The following ARHGAP29 variants were observed in gnomAD, a reference collection of about 807,000 sequenced individuals.
ARHGAP29 encodes the protein rho GTPase-activating protein 29.
In ARHGAP29, 43 loss-of-function variants were observed where a neutral mutation model predicts 122.6. The observed-to-expected ratio is 0.35, with a 90% CI of 0.27 to 0.45. ARHGAP29 has a LOEUF of 0.45. ARHGAP29 is among the 20% of genes least tolerant of loss of function. ARHGAP29 has a pLI of 1.00. For synonymous variants in ARHGAP29, 506 were observed against 497.1 expected, an observed-to-expected ratio of 1.02 and a Z score of -0.24; for missense variants, 1,303 against 1,477.2, an observed-to-expected ratio of 0.88 and a Z score of 1.93.
chr1:94,293,736 G>A, the ARHGAP29 span, among the ~76,000 whole-genome samples: 1 of 152,144 alleles, frequency 6.6e-6, no homozygotes, highest in South Asian at 2.1e-4. Flanking sequence ...TGCAGGAAAG[G>A]GTGCACAACT....
chr1:94,175,848 G>A (rs919692229), intron 22 of ARHGAP29, among the ~76,000 whole-genome samples: 2 of 152,062 alleles, frequency 1.3e-5, no homozygotes, highest in Admixed American at 6.5e-5. Flanking sequence ...GAGATTACAG[G>A]TGCCTGCTAC....
At chr1:94,230,813 A>G (rs1344255389) in intron 2 of ARHGAP29, among the ~76,000 whole-genome samples, 1 of 151,922 alleles carries the variant, frequency 6.6e-6, no homozygotes, top group Non-Finnish European at 1.5e-5. Context: ...AGGTACTAAG[A>G]ACAAGTCAGA....
At chr1:94,207,538 T>C (rs1397219371) in intron 5 of ARHGAP29, among the ~76,000 whole-genome samples, 2 of 47,210 alleles carry the variant, frequency 4.2e-5, no homozygotes, top group African/African-American at 5.1e-5. Flanking sequence ...ATTTAAATTG[T>C]TCAGTGTCTT....
At chr1:94,288,255 G>A in the ARHGAP29 span, among the ~76,000 whole-genome samples, 1 of 152,342 alleles carries the variant, frequency 6.6e-6, no homozygotes, top group African/African-American at 2.4e-5. Context: ...CAGTGATGAT[G>A]AGCATTTTTT....
At chr1:94,284,815 T>G in the ARHGAP29 span, among the ~76,000 whole-genome samples, 4 of 152,230 alleles carry the variant, frequency 2.6e-5, no homozygotes, top group African/African-American at 9.6e-5. Context: ...TTTCTTTGAT[T>G]TCTAAGCCTT....
chr1:94,289,994 T>C, the ARHGAP29 span, among the ~76,000 whole-genome samples: 1 of 152,200 alleles, frequency 6.6e-6, no homozygotes. Flanking sequence ...ATCAGGATGA[T>C]GCTGGACTCA....
chr1:94,301,452 A>G, the ARHGAP29 span, among the ~76,000 whole-genome samples: 3 of 152,098 alleles, frequency 2.0e-5, no homozygotes, highest in African/African-American at 7.2e-5. Context: ...ATGAACACCT[A>G]CAACTCCTGA....
At chr1:94,194,758 TAAAC>T (rs1420681120) in intron 12 of ARHGAP29, 3 of 152,162 alleles carry the variant, frequency 2.0e-5, no homozygotes, top group Non-Finnish European at 4.4e-5. Context: ...AACCAAGTCT[TAAAC>T]AGATAAATAC....
At chr1:94,304,434 C>T in the ARHGAP29 span, among the ~76,000 whole-genome samples, 34 of 152,326 alleles carry the variant, frequency 2.2e-4, no homozygotes, top group Non-Finnish European at 4.7e-4. Context: ...GCCACCACAC[C>T]TGGCCTCTAC....
At chr1:94,235,325 G>A (rs1424193039) in intron 1 of ARHGAP29, among the ~76,000 whole-genome samples, 1 of 152,138 alleles carries the variant, frequency 6.6e-6, no homozygotes. Flanking sequence ...TCTCATGCGC[G>A]AAAATGAATA....
rs555284456 is a variant in ARHGAP29 at position 94,189,420 on chromosome 1, T to A, written c.1440-68A>T. 4.8e-6 allele frequency: 7 copies of A among 1,453,148 alleles called. No homozygotes were observed. In the East Asian group the frequency reaches 1.7e-4, roughly 35 times the overall value. 90.0% of individuals were successfully genotyped at this position (1,453,148 alleles called of 1,614,324 possible). ...AAGAATAATAATCAGTTGATTTCAT[T>A]CTATGTTTAGAAAAATCTATTAATT... On this transcript the variant is annotated intron_variant, in intron 13 of 22. Transcript: ENST00000260526.
rs758819370 is a variant in ARHGAP29, at chr1:94,184,274, C to T, written c.2124G>A (p.Val708=). 1.2e-6 allele frequency: 2 copies of T among 1,608,948 alleles called. No homozygotes were observed. The highest frequency in any genetic ancestry group is 3.4e-5 in the Admixed American group (2 of 58,952). The part of the protein sequence containing the change: ...RALCLQGIYR[V]CGNKIKTEKL... ...TTTCAGTTTTTATTTTGTTTCCACACACACGATAAATTCCCTTCAATAGAA... is the reference window on the plus strand; with the variant it reads ...TTTCAGTTTTTATTTTGTTTCCACATACACGATAAATTCCCTTCAATAGAA... Residue 708 remains valine (V), a synonymous_variant, in exon 19 of 23, where the codon GTG becomes GTA. Transcript: ENST00000260526.
At chr1:94,287,170 T>C in the ARHGAP29 span, among the ~76,000 whole-genome samples, 3 of 152,188 alleles carry the variant, frequency 2.0e-5, no homozygotes, top group Non-Finnish European at 2.9e-5. Flanking sequence ...TTTCGTTTAC[T>C]GGTTTATTAT....
At chr1:94,202,109 T>C (rs1261093358) in intron 11 of ARHGAP29, 1 of 437,502 alleles carries the variant, frequency 2.3e-6, no homozygotes, top group Non-Finnish European at 4.0e-6. Context: ...TTTATATTTA[T>C]ATTTACTATA....
upstream of ARHGAP29, among the ~76,000 whole-genome samples, chr1:94,276,053 T>C (rs886101550): frequency 1.3e-5 from 2 of 151,378 alleles, no homozygotes; most frequent in African/African-American, 4.9e-5. Flanking sequence ...AGGCCAGGAG[T>C]TCGAGACAAG....
intron 1 of ARHGAP29, among the ~76,000 whole-genome samples, chr1:94,265,941 C>T (rs538089049): frequency 3.5e-4 from 54 of 152,248 alleles, no homozygotes; most frequent in Middle Eastern, 3.4e-3. Flanking sequence ...GTCTGGTGCC[C>T]CTCCACTCTA....
At position 94,178,011 on chromosome 1, in the gene ARHGAP29, A is replaced by G. The variant is rs1649217920; in HGVS notation, c.2637T>C (p.Ile879=). The change falls in exon 21 of 23, where the codon ATT becomes ATC. Residue 879 remains isoleucine, a synonymous_variant. Transcript: ENST00000260526. ...CATCGAAGATCTTCTGTGAGTAAGT[A>G]ATGAGAAACTCTACCAAGCGTGCTT... ...SNQARLVEFL[I]TYSQKIFDGS... 1 of 1,614,072 alleles carries G rather than the reference A, an allele frequency of 6.2e-7. No individual in the cohort carries two copies. The highest frequency in any genetic ancestry group is 8.5e-7 in the Non-Finnish European group (1 of 1,180,032).
At chr1:94,282,267 A>G in the ARHGAP29 span, among the ~76,000 whole-genome samples, 1 of 142,898 alleles carries the variant, frequency 7.0e-6, no homozygotes, top group African/African-American at 2.7e-5. Context: ...TTATTTATTT[A>G]TTTATTTATT....
At chr1:94,229,262 G>C (rs1243488134) in intron 2 of ARHGAP29, among the ~76,000 whole-genome samples, 1 of 151,752 alleles carries the variant, frequency 6.6e-6, no homozygotes. Flanking sequence ...TAAATAGTTA[G>C]AGCATTTTAA....
Sources: allele counts gnomAD v4.1 joint callset (sites outside exome capture counted in the v4.1 genomes callset), GRCh38; gene constraint gnomAD v4.1.1; transcripts MANE v1.5; gene names NCBI Gene and HGNC (gene_info 2026-07-23, HGNC 2026-07-21).